Variants in SLC9A9 observed in about 807,000 individuals in gnomAD.
SLC9A9 encodes sodium/hydrogen exchanger 9.
A neutral mutation model predicts 77.8 loss-of-function variants in SLC9A9; 62 were observed. That is an observed-to-expected ratio of 0.80 (90% CI 0.65 to 0.98). SLC9A9 has a LOEUF of 0.98. SLC9A9 is among the 50% of genes least tolerant of loss of function. The pLI is 0.00. For missense variants in SLC9A9, 775 were observed against 774.9 expected, an observed-to-expected ratio of 1.00 and a Z score of 0.00; for synonymous variants, 320 against 283.5, an observed-to-expected ratio of 1.13 and a Z score of -1.29.
chr3:143,606,688 T>C (rs568638906), intron 6 of SLC9A9, among the ~76,000 whole-genome samples: 3 of 150,616 alleles, frequency 2.0e-5, no homozygotes, highest in East Asian at 3.9e-4. Context: ...CCATAGGCAA[T>C]AAAATTGAAA....
intron 9 of SLC9A9, chr3:143,517,461 C>G (rs892878318): frequency 1.9e-6 from 3 of 1,597,592 alleles, no homozygotes; most frequent in Admixed American, 3.3e-5. Flanking sequence ...TCCTCTTGAG[C>G]CTTCTTAACT....
intron 12 of SLC9A9, among the ~76,000 whole-genome samples, chr3:143,417,831 C>G (rs181693128): frequency 6.8e-4 from 104 of 152,118 alleles, no homozygotes; most frequent in Non-Finnish European, 1.1e-3. Flanking sequence ...TAACTCCCCC[C>G]ATATGGCCAT....
rs917992863 is a variant in SLC9A9 at position 143,573,146 on chromosome 3, C to T, written c.1000+942G>A. Among the ~76,000 whole-genome samples, 5 of 152,270 alleles carry T rather than the reference C, an allele frequency of 3.3e-5. No individual in the cohort carries two copies. In the East Asian group the frequency reaches 9.6e-4, roughly 29 times the overall value. On this transcript the variant is annotated intron_variant, in intron 8 of 15. Coordinates refer to ENST00000316549, the MANE Select transcript of SLC9A9 (RefSeq NM_173653.4). ...AAAGACAGCTGGCCAGCATCTGGCTCATGGTACACCCTCAATATATGTCAA... is the reference window on the plus strand; with the variant it reads ...AAAGACAGCTGGCCAGCATCTGGCTTATGGTACACCCTCAATATATGTCAA...
intron 2 of SLC9A9, among the ~76,000 whole-genome samples, chr3:143,809,644 A>ATGTTACAATAATG (rs2008812051): frequency 6.6e-6 from 1 of 152,242 alleles, no homozygotes; most frequent in South Asian, 2.1e-4. Flanking sequence ...GAAAAAATCC[A>ATGTTACAATAATG]AGCGAGGGAT....
chr3:143,565,714 G>GC (rs1553767158), intron 8 of SLC9A9, among the ~76,000 whole-genome samples: 1 of 146,296 alleles, frequency 6.8e-6, no homozygotes, highest in Non-Finnish European at 1.5e-5. Context: ...TCAGGGTTTT[G>GC]TTTTTTTTTT....
intron 11 of SLC9A9, among the ~76,000 whole-genome samples, chr3:143,492,454 A>C (rs1386318554): frequency 6.6e-6 from 1 of 152,106 alleles, no homozygotes; most frequent in African/African-American, 2.4e-5. Context: ...TATTTGAATC[A>C]ATGACTCACT....
intron 4 of SLC9A9, among the ~76,000 whole-genome samples, chr3:143,729,510 T>C (rs1248746869): frequency 6.6e-6 from 1 of 152,190 alleles, no homozygotes; most frequent in Non-Finnish European, 1.5e-5. Flanking sequence ...CAGGCCTCCA[T>C]GATAGCAGGG....
chr3:143,278,309 T>A (rs1559849315), intron 14 of SLC9A9, among the ~76,000 whole-genome samples: 1 of 152,226 alleles, frequency 6.6e-6, no homozygotes, highest in Non-Finnish European at 1.5e-5. Context: ...CTAGCTGCTG[T>A]GACTGCTGCT....
At chr3:143,634,449 G>T (rs2038480542) in intron 6 of SLC9A9, among the ~76,000 whole-genome samples, 1 of 152,090 alleles carries the variant, frequency 6.6e-6, no homozygotes. Context: ...AATATTTTCA[G>T]TGAAGTTCAT....
chr3:143,517,465 C>T, intron 9 of SLC9A9: 7 of 1,597,864 alleles, frequency 4.4e-6, no homozygotes, highest in Middle Eastern at 4.5e-4. Context: ...CTTGAGCCTT[C>T]TTAACTCGTT....
chr3:143,447,184 C>T (rs1343636086), intron 12 of SLC9A9, among the ~76,000 whole-genome samples: 1 of 152,078 alleles, frequency 6.6e-6, no homozygotes, highest in Admixed American at 6.5e-5. Flanking sequence ...CTGCACAACC[C>T]AATGAGAAAT....
intron 6 of SLC9A9, among the ~76,000 whole-genome samples, chr3:143,613,711 A>T (rs1285013420): frequency 1.4e-5 from 2 of 139,414 alleles, no homozygotes; most frequent in East Asian, 4.1e-4. Context: ...GTCCACAGAC[A>T]TGCCTCTCTT....
chr3:143,604,882 C>T (rs1559989355), intron 6 of SLC9A9, among the ~76,000 whole-genome samples: 1 of 152,192 alleles, frequency 6.6e-6, no homozygotes. Flanking sequence ...ATGTCCAATT[C>T]TTATTCATTG....
chr3:143,688,174 C>T (rs1933337235), intron 5 of SLC9A9, among the ~76,000 whole-genome samples: 1 of 151,758 alleles, frequency 6.6e-6, no homozygotes. Context: ...TGATCTAGAA[C>T]TCTTGGCCTC....
intron 6 of SLC9A9, among the ~76,000 whole-genome samples, chr3:143,589,285 T>C (rs909473165): frequency 6.6e-6 from 1 of 152,232 alleles, no homozygotes; most frequent in East Asian, 1.9e-4. Context: ...AAGGAAATTA[T>C]GGCTTAGATA....
intron 12 of SLC9A9, among the ~76,000 whole-genome samples, chr3:143,396,072 C>A (rs2108508824): frequency 6.6e-6 from 1 of 152,262 alleles, no homozygotes; most frequent in South Asian, 2.1e-4. Context: ...CTAGAAATAC[C>A]ATTTGACCCA....
At chr3:143,382,983 C>T (rs2033340360) in intron 12 of SLC9A9, among the ~76,000 whole-genome samples, 1 of 152,224 alleles carries the variant, frequency 6.6e-6, no homozygotes, top group Non-Finnish European at 1.5e-5. Context: ...TGCCTCACTG[C>T]TACAGGGTAA....
At chr3:143,313,507 C>T (rs576339630) in intron 14 of SLC9A9, among the ~76,000 whole-genome samples, 1 of 152,314 alleles carries the variant, frequency 6.6e-6, no homozygotes, top group Middle Eastern at 3.4e-3. Flanking sequence ...ACTCCTTACC[C>T]CACCCAATCC....
chr3:143,275,709 CTCT>C (rs1375642032), intron 14 of SLC9A9, among the ~76,000 whole-genome samples: 1 of 151,896 alleles, frequency 6.6e-6, no homozygotes, highest in African/African-American at 2.4e-5. Context: ...TTTTCTTAGT[CTCT>C]TAACTTGTTT....
Sources: allele counts gnomAD v4.1 joint callset (sites outside exome capture counted in the v4.1 genomes callset), GRCh38; gene constraint gnomAD v4.1.1; transcripts MANE v1.5; gene names NCBI Gene and HGNC (gene_info 2026-07-23, HGNC 2026-07-21).